Variants in SLC27A6 observed in about 807,000 individuals in gnomAD.
SLC27A6 encodes long-chain fatty acid transport protein 6.
Under a neutral mutation model 63.9 loss-of-function variants are expected in SLC27A6, and 74 were observed. The observed-to-expected ratio is 1.16, with a 90% confidence interval of 0.96 to 1.40. The LOEUF is 1.40. Ranked by LOEUF, SLC27A6 falls within the 40% of genes most tolerant of loss-of-function variation. SLC27A6 has a pLI of 0.00. For synonymous variants in SLC27A6, 287 were observed against 260.8 expected, an observed-to-expected ratio of 1.10 and a Z score of -0.97; for missense variants, 794 against 732.9, an observed-to-expected ratio of 1.08 and a Z score of -0.96.
rs1752273202 is a variant in SLC27A6 at position 129,027,195 on chromosome 5, C to A, written c.1318C>A (p.Pro440Thr). The A allele has an allele frequency of 1.2e-6, 2 of 1,613,304 alleles. No homozygotes were observed. Among genetic ancestry groups the A allele is most frequent in the African/African-American group, 1.3e-5 (1 of 74,830 alleles). The part of the protein sequence containing the change: ...AKNPFFGYAG[P>T]YKHTKDKLLC... ...AAATCCCTTCTTTGGCTATGCTGGGCCTTATAAGCACACAAAAGACAAATT... is the reference window on the plus strand; with the variant it reads ...AAATCCCTTCTTTGGCTATGCTGGGACTTATAAGCACACAAAAGACAAATT... Residue 440 changes from proline to threonine, a missense_variant, in exon 7 of 10, where the codon CCT becomes ACT. Coordinates refer to ENST00000262462, the MANE Select transcript of SLC27A6 (RefSeq NM_001017372.3).
intron 1 of SLC27A6, among the ~76,000 whole-genome samples, chr5:128,968,643 T>A (rs1256494632): frequency 6.6e-6 from 1 of 152,192 alleles, no homozygotes; most frequent in Non-Finnish European, 1.5e-5. Flanking sequence ...CTTTAAGTTC[T>A]TTGTAGATTC....
rs749741885 is a variant in SLC27A6 at position 129,033,329 on chromosome 5, A to AG, written c.*53dup. On this transcript the variant is annotated 3_prime_UTR_variant, in exon 10 of 10. Transcript: ENST00000262462. Reference sequence around the variant, plus strand: ...CATATGCTTTCTTAGGAAGAGTGAGAGGGGGGTATATGATTCTTTATGAAA... The same window carrying AG: ...CATATGCTTTCTTAGGAAGAGTGAGAGGGGGGGTATATGATTCTTTATGAAA... 1.4e-5 allele frequency: 16 copies of AG among 1,174,980 alleles called. No homozygotes were observed. The highest frequency in any genetic ancestry group is 1.8e-5 in the Non-Finnish European group (15 of 832,624). 72.8% of individuals were successfully genotyped at this position (1,174,980 alleles called of 1,614,324 possible). A position where few individuals can be genotyped will look rare whatever the true frequency, so the allele number is the denominator to read the frequency against.
chr5:129,016,945 G>GA (rs914943037), intron 5 of SLC27A6, among the ~76,000 whole-genome samples: 1 of 152,104 alleles, frequency 6.6e-6, no homozygotes, highest in African/African-American at 2.4e-5. Flanking sequence ...CACTGGCTTG[G>GA]AAAAAATAAC....
intron 1 of SLC27A6, among the ~76,000 whole-genome samples, chr5:128,984,478 T>G (rs1039536905): frequency 6.6e-5 from 10 of 152,228 alleles, no homozygotes; most frequent in Non-Finnish European, 1.2e-4. Flanking sequence ...TTGTTATCCT[T>G]GTAGCAGATC....
At chr5:129,030,920 T>C (rs956370002) in intron 9 of SLC27A6, among the ~76,000 whole-genome samples, 7 of 152,004 alleles carry the variant, frequency 4.6e-5, no homozygotes, top group African/African-American at 1.7e-4. Flanking sequence ...TTCAAAATCT[T>C]TCCCCCATGT....
Position 128,965,509 on chromosome 5 carries a change from C to G in SLC27A6, c.-629C>G, listed in dbSNP as rs939084147. 2 of 152,350 alleles carry G rather than the reference C, an allele frequency of 1.3e-5. No individual in the cohort carries two copies. The highest frequency in any genetic ancestry group is 2.4e-5 in the African/African-American group (1 of 41,428). The allele number at this position is 152,350 out of a possible 1,614,324, so 9.4% of individuals were successfully genotyped here. On this transcript the variant is annotated 5_prime_UTR_variant, in exon 1 of 10. Transcript: ENST00000262462. ...CTGGAACCCGCTGGCCCTGAGGCCA[C>G]GGACCGAGACGTGGTGCTGAGCCCC...
At chr5:129,009,068 T>C (rs984423967) in intron 4 of SLC27A6, among the ~76,000 whole-genome samples, 4 of 152,034 alleles carry the variant, frequency 2.6e-5, no homozygotes, top group South Asian at 4.2e-4. Context: ...GGTTTCTCCA[T>C]ATTGGCCAGG....
chr5:129,017,460 G>A (rs556390176), intron 5 of SLC27A6, among the ~76,000 whole-genome samples: 2 of 152,066 alleles, frequency 1.3e-5, no homozygotes, highest in South Asian at 2.1e-4. Flanking sequence ...ATGGAGCTCA[G>A]TAACTATCTC....
At chr5:128,995,615 T>C (rs764150570) in intron 4 of SLC27A6, among the ~76,000 whole-genome samples, 6 of 152,130 alleles carry the variant, frequency 3.9e-5, no homozygotes, top group South Asian at 4.1e-4. Context: ...GGACCTGATA[T>C]GACAAGTGGG....
chr5:128,971,577 A>G (rs1334124526), intron 1 of SLC27A6, among the ~76,000 whole-genome samples: 1 of 136,648 alleles, frequency 7.3e-6, no homozygotes, highest in East Asian at 2.0e-4. Context: ...TAGGATTGCA[A>G]CCCCTGCTTT....
At chr5:128,989,302 A>G (rs1750894289) in intron 3 of SLC27A6, among the ~76,000 whole-genome samples, 1 of 151,408 alleles carries the variant, frequency 6.6e-6, no homozygotes, top group Non-Finnish European at 1.5e-5. Flanking sequence ...ACAGTCTGCC[A>G]TAGACACTCA....
At chr5:129,029,837 GC>G in intron 9 of SLC27A6, 130 bp downstream of exon 9, 1 of 725,506 alleles carries the variant, frequency 1.4e-6, no homozygotes, top group Non-Finnish European at 2.2e-6. Flanking sequence ...TAGAGTTGAT[GC>G]AGATCGATGC....
chr5:128,966,115 T>C lies in SLC27A6; in HGVS notation c.-23T>C, dbSNP rs372239166. ...CGCTGGTGGGGGCTGAGATCAGAGC[T>C]GTCTTCTGGCCCAGTTGCCCCCATG... On this transcript the variant is annotated 5_prime_UTR_variant, in exon 1 of 10. Coordinates refer to ENST00000262462, the MANE Select transcript of SLC27A6 (RefSeq NM_001017372.3). The C allele has an allele frequency of 3.4e-5, 52 of 1,530,150 alleles. 1 individual carries two copies. The African/African-American group carries it at 6.2e-4, about 18-fold the overall frequency. 94.8% of individuals were successfully genotyped at this position (1,530,150 alleles called of 1,614,324 possible).
intron 5 of SLC27A6, among the ~76,000 whole-genome samples, chr5:129,021,129 A>G (rs751657530): frequency 1.3e-5 from 2 of 149,182 alleles, no homozygotes; most frequent in Non-Finnish European, 3.0e-5. Flanking sequence ...CCTACCTCAC[A>G]TTGTTCATGT....
At chr5:128,968,727 G>T (rs1427974907) in intron 1 of SLC27A6, among the ~76,000 whole-genome samples, 5 of 152,082 alleles carry the variant, frequency 3.3e-5, no homozygotes, top group Admixed American at 6.5e-5. Flanking sequence ...TGTTCACTCT[G>T]ATGGCAGTTT....
intron 4 of SLC27A6, among the ~76,000 whole-genome samples, chr5:129,007,811 A>G (rs1751594838): frequency 6.6e-6 from 1 of 152,112 alleles, no homozygotes; most frequent in South Asian, 2.1e-4. Flanking sequence ...TAAGATATTC[A>G]CTCTACTATC....
intron 4 of SLC27A6, among the ~76,000 whole-genome samples, chr5:129,006,505 C>A (rs990436865): frequency 6.2e-5 from 9 of 145,116 alleles, no homozygotes; most frequent in East Asian, 2.1e-4. Context: ...TGTGTGAGTG[C>A]CAAAAATATA....
intron 2 of SLC27A6, among the ~76,000 whole-genome samples, chr5:128,986,251 T>A (rs970227621): frequency 1.3e-5 from 2 of 151,984 alleles, no homozygotes; most frequent in Non-Finnish European, 2.9e-5. Flanking sequence ...AAGTTCGGGG[T>A]TATAGTGAGC....
At position 129,023,662 on chromosome 5, in the gene SLC27A6, G is replaced by T; in HGVS notation, c.1207G>T (p.Asp403Tyr). The T allele has an allele frequency of 6.2e-7, 1 of 1,609,740 alleles. No individual in the cohort carries two copies. The highest frequency in any genetic ancestry group is 1.1e-5 in the South Asian group (1 of 90,478). ...CTTAATAAAGTATGACTTTCAGAAA[G>T]ATGAACCCATGAGAAATGAGCAGGG... ...FDLIKYDFQK[D>Y]EPMRNEQGWC... is the part of the protein sequence containing the mutation. Residue 403 changes from aspartate to tyrosine, a missense_variant, in exon 6 of 10, where the codon GAT (aspartate) becomes TAT (tyrosine). Asp to Tyr is a radical substitution (Grantham distance 160, BLOSUM62 -3). Transcript: ENST00000262462.
Sources: gnomAD v4.1 joint callset for allele counts (sites outside exome capture counted in the v4.1 genomes callset) on GRCh38, gnomAD v4.1.1 for gene constraint, MANE v1.5 for transcripts, NCBI Gene and HGNC (gene_info 2026-07-23, HGNC 2026-07-21) for gene names.